Variants in CMIP observed in about 807,000 individuals in gnomAD.
CMIP encodes c-Maf inducing protein.
Under a neutral mutation model 97.3 loss-of-function variants are expected in CMIP, and 13 were observed. The ratio of observed to expected loss-of-function variants is 0.13; its 90% CI spans 0.09 to 0.21. The LOEUF is 0.21. Among genes scored for constraint, CMIP ranks in the 10% least tolerant of loss-of-function variants. The probability of loss-of-function intolerance (pLI) is 1.00; values close to 1 mark genes in which losing one functional copy is unlikely to be tolerated. For synonymous variants in CMIP, 538 were observed against 436.3 expected, an observed-to-expected ratio of 1.23 and a Z score of -2.91; for missense variants, 847 against 1,024.9, an observed-to-expected ratio of 0.83 and a Z score of 2.37.
intron 1 of CMIP, among the ~76,000 whole-genome samples, chr16:81,514,146 A>C (rs550551520): frequency 6.6e-6 from 1 of 152,238 alleles, no homozygotes; most frequent in Non-Finnish European, 1.5e-5. Flanking sequence ...TTACTATAGA[A>C]GAGACTAGAA....
intron 15 of CMIP, among the ~76,000 whole-genome samples, chr16:81,701,174 G>C (rs577077578): frequency 6.6e-6 from 1 of 152,106 alleles, no homozygotes; most frequent in African/African-American, 2.4e-5. Flanking sequence ...GCTGTCAGGC[G>C]TGTTGACCCC....
At chr16:81,486,340 A>G (rs2089313842) in intron 1 of CMIP, among the ~76,000 whole-genome samples, 1 of 152,340 alleles carries the variant, frequency 6.6e-6, no homozygotes, top group South Asian at 2.1e-4. Context: ...TAGGCCTCAG[A>G]GCAGCCCTGG....
chr16:81,493,724 G>C (rs1363169298), intron 1 of CMIP, among the ~76,000 whole-genome samples: 1 of 152,222 alleles, frequency 6.6e-6, no homozygotes, highest in Non-Finnish European at 1.5e-5. Flanking sequence ...CCGAATATGA[G>C]GGCCTAACAT....
chr16:81,647,279 C>G (rs969489207), intron 3 of CMIP, among the ~76,000 whole-genome samples: 1 of 152,218 alleles, frequency 6.6e-6, no homozygotes, highest in Admixed American at 6.5e-5. Flanking sequence ...CCTTGGCAAA[C>G]TGTTTTCTAC....
intron 3 of CMIP, among the ~76,000 whole-genome samples, chr16:81,639,724 C>G (rs1173335609): frequency 1.3e-5 from 2 of 152,200 alleles, no homozygotes; most frequent in African/African-American, 4.8e-5. Context: ...TGCAAATGCA[C>G]TTTTAAATAT....
At chr16:81,596,945 G>T (rs1160955716) in intron 1 of CMIP, among the ~76,000 whole-genome samples, 2 of 152,222 alleles carry the variant, frequency 1.3e-5, no homozygotes, top group South Asian at 4.1e-4. Flanking sequence ...TTTGCTCCAT[G>T]CTCAGTTTGT....
At chr16:81,670,626 G>A (rs1040307354) in intron 8 of CMIP, among the ~76,000 whole-genome samples, 1 of 148,510 alleles carries the variant, frequency 6.7e-6, no homozygotes, top group Admixed American at 6.7e-5. Flanking sequence ...TTTTTGGGGG[G>A]GGGGGGGGTG....
intron 7 of CMIP, among the ~76,000 whole-genome samples, chr16:81,668,925 C>G (rs904808257): frequency 2.0e-4 from 21 of 106,444 alleles, no homozygotes; most frequent in African/African-American, 8.2e-4. Context: ...ACCTCACACT[C>G]ACGGCCTTCC....
intron 1 of CMIP, among the ~76,000 whole-genome samples, chr16:81,511,826 T>G (rs1383720198): frequency 6.6e-6 from 1 of 152,168 alleles, no homozygotes; most frequent in East Asian, 1.9e-4. Flanking sequence ...CCTCTCAAAG[T>G]GCTAGGATTA....
intron 7 of CMIP, among the ~76,000 whole-genome samples, chr16:81,668,758 C>A (rs1397703134): frequency 1.3e-5 from 2 of 152,024 alleles, no homozygotes; most frequent in Non-Finnish European, 2.9e-5. Flanking sequence ...CTCCTCATTG[C>A]ACATGTATGC....
chr16:81,563,954 C>G (rs1567582101), intron 1 of CMIP, among the ~76,000 whole-genome samples: 1 of 152,360 alleles, frequency 6.6e-6, no homozygotes, highest in East Asian at 1.9e-4. Context: ...CTGGGTCTGG[C>G]TTTCAGGGCC....
rs62043952 is a variant in CMIP at position 81,487,249 on chromosome 16, C to T, written c.300+41708C>T. On this transcript the variant is annotated intron_variant, in intron 1 of 20. Transcript: ENST00000537098. ...GAGCCTCACTGCTCTACCTGGGAGC[C>T]CCAGCGTGACTTCTTGAGAAATGGT... 4.3e-3 allele frequency among the ~76,000 whole-genome samples: 651 copies of T among 152,286 alleles called. 6 individuals carry two copies. The highest frequency in any genetic ancestry group is 5.7e-3 in the Non-Finnish European group (387 of 68,012).
intron 1 of CMIP, among the ~76,000 whole-genome samples, chr16:81,554,695 C>T (rs547418181): frequency 2.0e-5 from 3 of 152,192 alleles, no homozygotes; most frequent in Non-Finnish European, 4.4e-5. Context: ...AGCCACTTCT[C>T]TGGCTGTGTG....
intron 3 of CMIP, among the ~76,000 whole-genome samples, chr16:81,643,821 G>C (rs1469111671): frequency 6.6e-6 from 1 of 151,904 alleles, no homozygotes; most frequent in African/African-American, 2.4e-5. Flanking sequence ...AAGGTTAATG[G>C]TTAATTTTAT....
At position 81,652,562 on chromosome 16, in the gene CMIP, G is replaced by T. The variant is rs925481093; in HGVS notation, c.639+198G>T. Among the ~76,000 whole-genome samples, 1 of 152,176 alleles carries T rather than the reference G, an allele frequency of 6.6e-6. No homozygotes were observed. Among genetic ancestry groups the T allele is most frequent in the African/African-American group, 2.4e-5 (1 of 41,442 alleles). Reference sequence around the variant, plus strand: ...AGGCTTGCCCCAGCTGCTTGCAGCTGTGCTGTCTGGGGATTGTAGGCACCG... The same window carrying T: ...AGGCTTGCCCCAGCTGCTTGCAGCTTTGCTGTCTGGGGATTGTAGGCACCG... On this transcript the variant is annotated intron_variant, in intron 4 of 20. Transcript: ENST00000537098. The surrounding 1 kb of genome is among the most constrained non-coding windows in gnomAD (Gnocchi z 5.2).
chr16:81,504,559 CT>C (rs2089670274), intron 1 of CMIP, among the ~76,000 whole-genome samples: 1 of 137,780 alleles, frequency 7.3e-6, no homozygotes, highest in Non-Finnish European at 1.5e-5. Context: ...AGGAGAATCG[CT>C]TGAACCCAGG....
chr16:81,515,446 G>A (rs1419452955), intron 1 of CMIP, among the ~76,000 whole-genome samples: 1 of 152,182 alleles, frequency 6.6e-6, no homozygotes, highest in Non-Finnish European at 1.5e-5. Flanking sequence ...TGAAGGCTGG[G>A]TGGGCGGGCA....
At chr16:81,512,974 C>T (rs1322977087) in intron 1 of CMIP, among the ~76,000 whole-genome samples, 1 of 152,202 alleles carries the variant, frequency 6.6e-6, no homozygotes, top group African/African-American at 2.4e-5. Context: ...TGGTCTCAAG[C>T]AATCCGCCCT....
intron 1 of CMIP, among the ~76,000 whole-genome samples, chr16:81,549,297 A>G (rs1457557512): frequency 3.9e-5 from 6 of 152,210 alleles, no homozygotes; most frequent in African/African-American, 1.4e-4. Context: ...GAGCTGGTAA[A>G]TCATTCGATA....
Sources: allele counts gnomAD v4.1 joint callset (sites outside exome capture counted in the v4.1 genomes callset), GRCh38; gene constraint gnomAD v4.1.1; non-coding constraint Gnocchi (gnomAD v3.1); transcripts MANE v1.5; gene names NCBI Gene and HGNC (gene_info 2026-07-23, HGNC 2026-07-21).